Variants in GALNT9 observed in about 807,000 individuals in gnomAD.
The protein encoded by GALNT9 is GalNAc transferase 9.
GALNT9 carries 47 observed loss-of-function variants against 63.1 expected under a neutral mutation model. That is an observed-to-expected ratio of 0.75 (90% CI 0.59 to 0.95). The LOEUF (loss-of-function observed/expected upper bound fraction) is 0.95, where lower values mean the gene tolerates loss of function less well. Ranked by LOEUF, GALNT9 falls within the 40% of genes least tolerant of loss-of-function variation. The probability of loss-of-function intolerance (pLI) is 0.00; values close to 1 mark genes in which losing one functional copy is unlikely to be tolerated. For missense variants in GALNT9, 829 were observed against 874.8 expected, an observed-to-expected ratio of 0.95 and a Z score of 0.66; for synonymous variants, 396 against 365.7, an observed-to-expected ratio of 1.08 and a Z score of -0.94.
At chr12:132,226,379 A>G (rs1394375954) in intron 6 of GALNT9, among the ~76,000 whole-genome samples, 4 of 149,398 alleles carry the variant, frequency 2.7e-5, no homozygotes, top group Non-Finnish European at 5.9e-5. Context: ...CACACTGTAC[A>G]TACACATCCC....
intron 6 of GALNT9, among the ~76,000 whole-genome samples, chr12:132,237,323 C>A (rs1364317902): frequency 6.6e-6 from 1 of 152,132 alleles, no homozygotes; most frequent in Non-Finnish European, 1.5e-5. Context: ...GCTGCTCACA[C>A]CTGCCCAAAC....
intron 2 of GALNT9, among the ~76,000 whole-genome samples, chr12:132,267,909 CCACATGCACTCACA>C (rs1864690310): frequency 7.5e-6 from 1 of 133,438 alleles, no homozygotes; most frequent in Non-Finnish European, 1.6e-5. Flanking sequence ...GCACACAAAT[CCACATGCACTCACA>C]CACATGCACA....
At chr12:132,230,850 C>G (rs1307954651) in intron 6 of GALNT9, among the ~76,000 whole-genome samples, 2 of 152,238 alleles carry the variant, frequency 1.3e-5, no homozygotes, top group Non-Finnish European at 2.9e-5. Context: ...TCATTACAGG[C>G]AGACCACACC....
At chr12:132,285,866 A>G (rs1880563641) in intron 2 of GALNT9, among the ~76,000 whole-genome samples, 1 of 152,044 alleles carries the variant, frequency 6.6e-6, no homozygotes, top group African/African-American at 2.4e-5. Context: ...ATACAGAGAG[A>G]TTGAGAGAAG....
rs781812674 is a variant in GALNT9, at chr12:132,286,224, G to A, written c.419+26C>T. 6.5e-7 allele frequency: 1 copy of A among 1,537,314 alleles called. No individual in the cohort carries two copies. The highest frequency in any genetic ancestry group is 1.2e-5 in the South Asian group (1 of 82,986). On this transcript the variant is annotated intron_variant, in intron 2 of 10. Transcript: ENST00000328957. This position sits in a 1 kb window ranked among gnomAD's most constrained non-coding sequence, Gnocchi z 7.4. The stretch of plus-strand genomic sequence containing the variant: ...CGGTCACTTCCTCGGCGGGCGTCGG[G>A]GGATGGGGGGCAGTCACTCACTCAC...
In GALNT9 at chr12:132,286,993, T is replaced by C. The variant is rs1265101746; in HGVS notation, c.239-563A>G. Among the ~76,000 whole-genome samples the C allele has an allele frequency of 6.7e-6, 1 of 148,898 alleles. No homozygotes were observed. The highest frequency in any genetic ancestry group is 2.0e-4 in the East Asian group (1 of 5,034). ...TGCTGGGATTACAGGCGTGAGTCAC[T>C]GCACTGGCCAATACTTGTTCTTACG... On this transcript the variant is annotated intron_variant, in intron 1 of 10. Transcript: ENST00000328957. The surrounding 1 kb of genome is among the most constrained non-coding windows in gnomAD (Gnocchi z 7.4).
At chr12:132,280,287 T>G in intron 2 of GALNT9, 1 of 151,992 alleles carries the variant, frequency 6.6e-6, no homozygotes, top group East Asian at 1.9e-4. Context: ...CAGTAAGGGG[T>G]TTCGTTTTGG....
intron 6 of GALNT9, among the ~76,000 whole-genome samples, chr12:132,216,495 G>A (rs142518949): frequency 1.3e-5 from 2 of 152,384 alleles, no homozygotes; most frequent in South Asian, 2.1e-4. Flanking sequence ...GGTGCTGAGC[G>A]CAGTCTGCAG....
At chr12:132,284,859 C>T (rs367933191) in intron 2 of GALNT9, among the ~76,000 whole-genome samples, 3 of 152,240 alleles carry the variant, frequency 2.0e-5, no homozygotes. Flanking sequence ...CCAACCTCCA[C>T]GCAGCCCGGG....
Position 132,279,434 on chromosome 12 carries a change from C to G in GALNT9, c.419+6816G>C, listed in dbSNP as rs1555241510. On this transcript the variant is annotated intron_variant, in intron 2 of 10. Transcript: ENST00000328957. The surrounding 1 kb of genome is among the most constrained non-coding windows in gnomAD (Gnocchi z 4.1). Reference sequence around the variant, plus strand: ...GGCCGGTTCCTCCCTGGGATCTCCCCTCCCCGAGCACAGGCTCTGCTCTGC... The same window carrying G: ...GGCCGGTTCCTCCCTGGGATCTCCCGTCCCCGAGCACAGGCTCTGCTCTGC... 1 of 152,406 alleles carries G rather than the reference C, an allele frequency of 6.6e-6. No individual in the cohort carries two copies. Among genetic ancestry groups the G allele is most frequent in the African/African-American group, 2.4e-5 (1 of 41,458 alleles). 9.4% of individuals were successfully genotyped at this position (152,406 alleles called of 1,614,324 possible). A position where few individuals can be genotyped will look rare whatever the true frequency, so the allele number is the denominator to read the frequency against.
intron 7 of GALNT9, among the ~76,000 whole-genome samples, chr12:132,201,891 G>A (rs1876160723): frequency 6.6e-6 from 1 of 150,534 alleles, no homozygotes; most frequent in African/African-American, 2.4e-5. Flanking sequence ...GTCTTCCTGG[G>A]ACTGTGGGGC....
intron 6 of GALNT9, among the ~76,000 whole-genome samples, chr12:132,244,747 G>A (rs367609942): frequency 1.8e-5 from 1 of 54,924 alleles, no homozygotes. Flanking sequence ...GTGGTGATGG[G>A]GCTGGACGGG....
intron 2 of GALNT9, chr12:132,275,466 A>G (rs1370659297): frequency 2.0e-5 from 3 of 152,276 alleles, no homozygotes; most frequent in Non-Finnish European, 4.4e-5. Flanking sequence ...CAAGAGGAGC[A>G]CGGAGAGCTG....
chr12:132,318,571 G>A (rs958304877), intron 1 of GALNT9, among the ~76,000 whole-genome samples: 1 of 152,258 alleles, frequency 6.6e-6, no homozygotes, highest in Non-Finnish European at 1.5e-5. Flanking sequence ...AGCTGCAGCC[G>A]TAGGATCACG....
chr12:132,297,819 C>T lies in GALNT9; in HGVS notation c.239-11389G>A, dbSNP rs150860998. On this transcript the variant is annotated intron_variant, in intron 1 of 10. Transcript: ENST00000328957. ...ACTCACTCTCATAATAACCAACTCA[C>T]TCCCAAGAAAACTAACTCACTTCTG... Among the ~76,000 whole-genome samples, 540 of 152,068 alleles carry T rather than the reference C, an allele frequency of 3.6e-3. 1 individual carries two copies. Among genetic ancestry groups the T allele is most frequent in the African/African-American group, 0.012 (510 of 41,374 alleles).
In GALNT9 at chr12:132,197,798, G is replaced by A. The variant is rs563314393; in HGVS notation, c.1659C>T (p.Phe553=). The A allele has an allele frequency of 5.1e-6, 8 of 1,569,890 alleles. No homozygotes were observed. The highest frequency in any genetic ancestry group is 1.8e-5 in the Admixed American group (1 of 54,838). ...VARPTQRLWD[F]TQSGPIVSRA... ...CCCTTCCCCAGAGGCTGACCTGGGT[G>A]AAGTCCCACAGCCGCTGTGTTGGCC... The change falls in exon 10 of 11, where the codon TTC becomes TTT. Residue 553 remains phenylalanine (F), a synonymous_variant. Transcript: ENST00000328957.
chr12:132,311,783 C>G (rs144990144), intron 1 of GALNT9, among the ~76,000 whole-genome samples: 3 of 152,248 alleles, frequency 2.0e-5, no homozygotes, highest in Admixed American at 6.5e-5. Flanking sequence ...GGCCCTGCGT[C>G]CTTCGTGTGC....
At chr12:132,210,197 G>A (rs114496121) in intron 6 of GALNT9, among the ~76,000 whole-genome samples, 4,903 of 152,326 alleles carry the variant, frequency 0.032, 247 homozygotes, top group African/African-American at 0.11. Context: ...GCACATCACA[G>A]CGAGAGGAGA....
At chr12:132,297,950 C>A (rs1477619666) in intron 1 of GALNT9, among the ~76,000 whole-genome samples, 4 of 151,344 alleles carry the variant, frequency 2.6e-5, no homozygotes, top group Non-Finnish European at 4.4e-5. Flanking sequence ...CAATAATCAA[C>A]TCACTCTCAT....
Sources: gnomAD v4.1 joint callset for allele counts (sites outside exome capture counted in the v4.1 genomes callset) on GRCh38, gnomAD v4.1.1 for gene constraint, Gnocchi (gnomAD v3.1) non-coding constraint, MANE v1.5 for transcripts, NCBI Gene and HGNC (gene_info 2026-07-23, HGNC 2026-07-21) for gene names.